BRDT: variants seen among roughly 807,000 people sequenced by gnomAD.
BRDT encodes the protein bromodomain testis associated.
In BRDT, 77 loss-of-function variants were observed where a neutral mutation model predicts 113.9. That is an observed-to-expected ratio of 0.68 (90% confidence interval 0.56 to 0.82). The LOEUF is 0.82. Ranked by LOEUF, BRDT falls within the 40% of genes least tolerant of loss-of-function variation. BRDT has a pLI of 0.00. For missense variants in BRDT, 1,027 were observed against 1,105.4 expected, an observed-to-expected ratio of 0.93 and a Z score of 1.01; for synonymous variants, 358 against 366.5, an observed-to-expected ratio of 0.98 and a Z score of 0.26.
intron 4 of BRDT, 135 bp from the exon 5 acceptor site, chr1:91,976,131 A>G (rs1460608360): frequency 7.1e-6 from 6 of 841,946 alleles, no homozygotes; most frequent in Non-Finnish European, 1.0e-5. Context: ...CTGTGTGTGT[A>G]GATTTCAAAA....
chr1:92,014,154 G>C, intron 18 of BRDT, 52 bp from the exon 19 acceptor site: 1 of 1,211,762 alleles, frequency 8.3e-7, no homozygotes, highest in Non-Finnish European at 1.2e-6. Context: ...TATAGTTGTA[G>C]TAAAGACATA....
At chr1:91,999,259 CA>C (rs1570621124) in intron 15 of BRDT, among the ~76,000 whole-genome samples, 1 of 152,222 alleles carries the variant, frequency 6.6e-6, no homozygotes, top group East Asian at 1.9e-4. Context: ...CGGTGGCTCA[CA>C]GGATACTGGC....
chr1:91,997,713 T>C (rs1425626429), intron 15 of BRDT, among the ~76,000 whole-genome samples: 5 of 152,240 alleles, frequency 3.3e-5, no homozygotes, highest in African/African-American at 1.2e-4. Flanking sequence ...AGTAAGCTAA[T>C]ATATAAAGGA....
chr1:91,959,405 TTC>T (rs1445875923), intron 1 of BRDT, among the ~76,000 whole-genome samples: 1 of 138,048 alleles, frequency 7.2e-6, no homozygotes, highest in Non-Finnish European at 1.5e-5. Flanking sequence ...CTTACGATTT[TTC>T]TCTTTTTCTT....
intron 1 of BRDT, among the ~76,000 whole-genome samples, chr1:91,954,445 ATTTT>A (rs373136399): frequency 6.6e-6 from 1 of 151,388 alleles, no homozygotes; most frequent in Non-Finnish European, 1.5e-5. Flanking sequence ...ATGCCCAGTT[ATTTT>A]TTGTATTTTG....
At chr1:92,006,968 T>C (rs1432074705) in intron 18 of BRDT, among the ~76,000 whole-genome samples, 2 of 152,056 alleles carry the variant, frequency 1.3e-5, no homozygotes. Flanking sequence ...TTTGTATTTT[T>C]AGTAGAGACA....
At chr1:92,013,648 G>A (rs1173981106) in intron 18 of BRDT, among the ~76,000 whole-genome samples, 2 of 152,062 alleles carry the variant, frequency 1.3e-5, no homozygotes, top group Admixed American at 6.5e-5. Context: ...CAGCTTTTTC[G>A]TGATTAATAT....
intron 12 of BRDT, among the ~76,000 whole-genome samples, chr1:91,983,445 G>A (rs369087475): frequency 9.9e-5 from 15 of 151,652 alleles, no homozygotes; most frequent in South Asian, 8.3e-4. Flanking sequence ...TAGTAGAGAC[G>A]GGGTTTCACC....
intron 4 of BRDT, 40 bp from the exon 5 acceptor site, chr1:91,976,226 T>C (rs558598660): frequency 3.3e-6 from 5 of 1,518,532 alleles, no homozygotes; most frequent in East Asian, 4.7e-5. Context: ...TTTTGTACTT[T>C]ATTCATTCAT....
intron 2 of BRDT, 24 bp from the exon 3 acceptor site, chr1:91,964,603 T>C: frequency 7.6e-7 from 1 of 1,319,542 alleles, no homozygotes; most frequent in Non-Finnish European, 1.0e-6. Context: ...CTTACTAACA[T>C]TTAGAATTTG....
At chr1:91,967,433 T>C (rs939019216) in intron 3 of BRDT, among the ~76,000 whole-genome samples, 1 of 150,166 alleles carries the variant, frequency 6.7e-6, no homozygotes, top group African/African-American at 2.5e-5. Flanking sequence ...AGTTTTGCTC[T>C]TGTTGCCCAG....
At chr1:92,010,129 G>A (rs1163130955) in intron 18 of BRDT, among the ~76,000 whole-genome samples, 1 of 151,998 alleles carries the variant, frequency 6.6e-6, no homozygotes, top group East Asian at 1.9e-4. Flanking sequence ...TATTCAAGTT[G>A]TGTGTTTTCA....
intron 18 of BRDT, among the ~76,000 whole-genome samples, chr1:92,011,055 T>C (rs1687755826): frequency 6.6e-6 from 1 of 152,030 alleles, no homozygotes; most frequent in South Asian, 2.1e-4. Context: ...ATAGGACATA[T>C]AAGAACATTA....
At chr1:92,002,874 A>C (rs1686983787) in intron 16 of BRDT, among the ~76,000 whole-genome samples, 1 of 152,164 alleles carries the variant, frequency 6.6e-6, no homozygotes, top group South Asian at 2.1e-4. Flanking sequence ...GATGATTGGG[A>C]TACATTAAGA....
At chr1:92,012,246 G>A (rs568562884) in intron 18 of BRDT, among the ~76,000 whole-genome samples, 4 of 150,822 alleles carry the variant, frequency 2.7e-5, no homozygotes, top group Admixed American at 6.6e-5. Context: ...ACAGTGAGCC[G>A]AGATCACGCC....
At chr1:91,960,917 C>T (rs6604069) in intron 1 of BRDT, among the ~76,000 whole-genome samples, 149,049 of 152,332 alleles carry the variant, frequency 0.98, 72,984 homozygotes, top group East Asian at 1. Context: ...TATTAAATAC[C>T]GTCTTTCTGA....
intron 16 of BRDT, 35 bp downstream of exon 16, chr1:92,002,184 A>G: frequency 6.8e-7 from 1 of 1,473,978 alleles, no homozygotes; most frequent in African/African-American, 1.4e-5. Context: ...CAAATCTTGA[A>G]GGGATTTGAA....
At chr1:92,012,047 G>A (rs549490973) in intron 18 of BRDT, among the ~76,000 whole-genome samples, 20 of 152,258 alleles carry the variant, frequency 1.3e-4, no homozygotes, top group African/African-American at 4.1e-4. Context: ...AGTGGCTCAC[G>A]CCTATAATCT....
intron 4 of BRDT, among the ~76,000 whole-genome samples, chr1:91,968,705 T>C (rs575546920): frequency 6.6e-6 from 1 of 152,332 alleles, no homozygotes; most frequent in African/African-American, 2.4e-5. Context: ...CAAAAATCTT[T>C]AGAGGAAATC....
Sources: allele counts gnomAD v4.1 joint callset (sites outside exome capture counted in the v4.1 genomes callset), GRCh38; gene constraint gnomAD v4.1.1; transcripts MANE v1.5; gene names NCBI Gene and HGNC (gene_info 2026-07-23, HGNC 2026-07-21).